The following AGO2 variants were observed in gnomAD, a reference collection of about 807,000 sequenced individuals.
AGO2 encodes the protein protein argonaute-2.
In AGO2, 5 loss-of-function variants were observed where a neutral mutation model predicts 102.3. That is an observed-to-expected ratio of 0.05 (90% confidence interval 0.03 to 0.10). The LOEUF (loss-of-function observed/expected upper bound fraction) is 0.10. Ranked by LOEUF, AGO2 falls within the 10% of genes least tolerant of loss-of-function variation. The probability of loss-of-function intolerance (pLI) is 1.00; values close to 1 mark genes in which losing one functional copy is unlikely to be tolerated. For synonymous variants in AGO2, 449 were observed against 473.1 expected (o/e 0.95, Z 0.66); for missense variants, 541 against 1,183.7 (o/e 0.46, Z 7.97).
intron 14 of AGO2, among the ~76,000 whole-genome samples, chr8:140,542,762 G>A (rs2072823901): frequency 6.6e-6 from 1 of 152,216 alleles, no homozygotes; most frequent in African/African-American, 2.4e-5. Context: ...TCTGTGCCCT[G>A]GCTCCCTCCT....
At chr8:140,552,740 G>GCGCGCGCGCGCACA (rs111262864) in intron 10 of AGO2, among the ~76,000 whole-genome samples, 3 of 130,884 alleles carry the variant, frequency 2.3e-5, no homozygotes, top group African/African-American at 9.1e-5. Flanking sequence ...GCGCGCGCGC[G>GCGCGCGCGCGCACA]CACACACACA....
chr8:140,623,426 C>T (rs1208810086), intron 1 of AGO2, among the ~76,000 whole-genome samples: 4 of 152,114 alleles, frequency 2.6e-5, no homozygotes, highest in South Asian at 2.1e-4. Context: ...ATGGTTCATC[C>T]GATGTCACTG....
At chr8:140,608,435 C>A (rs1448597919) in intron 1 of AGO2, among the ~76,000 whole-genome samples, 2 of 152,226 alleles carry the variant, frequency 1.3e-5, no homozygotes, top group Non-Finnish European at 2.9e-5. Flanking sequence ...CGTGGAGAGC[C>A]CAACAGACAG....
Position 140,549,087 on chromosome 8 carries a change from A to G in AGO2, c.1588+27T>C, listed in dbSNP as rs752865212. ...CCCACGGAGACCACGACGGCTCCCC[A>G]CAGCCAGCGGGAGCGCCCACACCTA... On this transcript the variant is annotated intron_variant, in intron 12 of 18. Coordinates refer to ENST00000220592, the MANE Select transcript of AGO2 (RefSeq NM_012154.5). 6.4e-6 allele frequency: 10 copies of G among 1,571,884 alleles called. No individual in the cohort carries two copies. In the Middle Eastern group the frequency reaches 8.8e-4, roughly 138 times the overall value.
chr8:140,549,098 G>C lies in AGO2; in HGVS notation c.1588+16C>G, dbSNP rs779805432. On this transcript the variant is annotated intron_variant, in intron 12 of 18. Coordinates refer to ENST00000220592, the MANE Select transcript of AGO2 (RefSeq NM_012154.5). ...CACGACGGCTCCCCACAGCCAGCGGGAGCGCCCACACCTACCGTACACGGG... is the reference window on the plus strand; with the variant it reads ...CACGACGGCTCCCCACAGCCAGCGGCAGCGCCCACACCTACCGTACACGGG... The C allele has an allele frequency of 3.2e-6, 5 of 1,581,434 alleles. No homozygotes were observed. In the Admixed American group the frequency reaches 6.9e-5, roughly 22 times the overall value.
chr8:140,582,983 T>C (rs1486842855), intron 2 of AGO2, among the ~76,000 whole-genome samples: 1 of 152,232 alleles, frequency 6.6e-6, no homozygotes, highest in Non-Finnish European at 1.5e-5. Flanking sequence ...GTGTGGCTGC[T>C]TCCAGAGGAG....
At chr8:140,561,953 T>C (rs1382654552) in intron 4 of AGO2, among the ~76,000 whole-genome samples, 2 of 152,202 alleles carry the variant, frequency 1.3e-5, no homozygotes, top group African/African-American at 2.4e-5. Flanking sequence ...ACCGGGCAGC[T>C]TGTGAGTCCT....
intron 1 of AGO2, among the ~76,000 whole-genome samples, chr8:140,595,815 AT>A (rs1564106790): frequency 1.2e-5 from 1 of 83,308 alleles, no homozygotes; most frequent in African/African-American, 6.4e-5. Context: ...AATTGTATAT[AT>A]TATATTTATA....
At chr8:140,578,552 C>T (rs2073502311) in intron 2 of AGO2, among the ~76,000 whole-genome samples, 1 of 152,242 alleles carries the variant, frequency 6.6e-6, no homozygotes, top group South Asian at 2.1e-4. Flanking sequence ...GCAAGCGTCC[C>T]TGCTTCTGCA....
At chr8:140,552,927 T>C (rs2073027331) in intron 10 of AGO2, among the ~76,000 whole-genome samples, 1 of 152,126 alleles carries the variant, frequency 6.6e-6, no homozygotes, top group Admixed American at 6.5e-5. Flanking sequence ...AGATGTCCCC[T>C]GGGGGGCAAA....
chr8:140,606,766 G>A lies in AGO2; in HGVS notation c.23-21455C>T, dbSNP rs1438050744. Among the ~76,000 whole-genome samples the A allele has an allele frequency of 3.3e-5, 5 of 151,438 alleles. No homozygotes were observed. The East Asian group carries it at 5.8e-4, about 18-fold the overall frequency. ...AGCCTGACCAACATGGCAAAACCCCGTCTCTACTAAAAATACAAAAATTAG... is the reference window on the plus strand; with the variant it reads ...AGCCTGACCAACATGGCAAAACCCCATCTCTACTAAAAATACAAAAATTAG... On this transcript the variant is annotated intron_variant, in intron 1 of 18. Coordinates refer to ENST00000220592, the MANE Select transcript of AGO2 (RefSeq NM_012154.5).
chr8:140,551,209 C>T, intron 11 of AGO2, 94 bp downstream of exon 11: 2 of 1,371,268 alleles, frequency 1.5e-6, no homozygotes, highest in Non-Finnish European at 9.6e-7. Context: ...CACCCTCACC[C>T]CCACCCCAAC....
chr8:140,615,507 G>A (rs578254738), intron 1 of AGO2, among the ~76,000 whole-genome samples: 1 of 152,246 alleles, frequency 6.6e-6, no homozygotes, highest in Non-Finnish European at 1.5e-5. Context: ...AGGGTGGCAG[G>A]CTCGTGAGTT....
chr8:140,628,572 A>G (rs1461834371), intron 1 of AGO2, among the ~76,000 whole-genome samples: 1 of 152,044 alleles, frequency 6.6e-6, no homozygotes, highest in Non-Finnish European at 1.5e-5. Context: ...TGGGAGGCCA[A>G]GGCAGGAGGA....
intron 1 of AGO2, among the ~76,000 whole-genome samples, chr8:140,630,929 C>T (rs1012028896): frequency 1.3e-5 from 2 of 152,188 alleles, no homozygotes; most frequent in African/African-American, 2.4e-5. Flanking sequence ...TGGCACATGT[C>T]TGCAGTCTCA....
At chr8:140,590,489 G>A (rs1419060396) in intron 1 of AGO2, among the ~76,000 whole-genome samples, 1 of 152,060 alleles carries the variant, frequency 6.6e-6, no homozygotes, top group Non-Finnish European at 1.5e-5. Context: ...CAGAGGCACA[G>A]ATGGGGGTCC....
intron 1 of AGO2, among the ~76,000 whole-genome samples, chr8:140,624,064 G>A (rs760242281): frequency 1.1e-4 from 16 of 152,120 alleles, no homozygotes; most frequent in South Asian, 2.1e-4. Context: ...GGTGCAGGGC[G>A]AGCGCGATGG....
chr8:140,541,390 G>T lies in AGO2; in HGVS notation c.1840-32C>A, dbSNP rs747425764. The T allele has an allele frequency of 5.8e-6, 9 of 1,546,632 alleles. No homozygotes were observed. In the South Asian group the frequency reaches 9.6e-5, roughly 16 times the overall value. On this transcript the variant is annotated intron_variant, in intron 14 of 18. Coordinates refer to ENST00000220592, the MANE Select transcript of AGO2 (RefSeq NM_012154.5). ...GAACAGGCAGTGAGTGTGGTCAGGG[G>T]TTCCCAAAACTTTCCTTTCCTGGGC...
At chr8:140,563,017 A>G (rs1017790968) in intron 3 of AGO2, among the ~76,000 whole-genome samples, 6 of 152,102 alleles carry the variant, frequency 3.9e-5, no homozygotes, top group Non-Finnish European at 8.8e-5. Flanking sequence ...CGTCACCTGC[A>G]AGCCCCACTC....
Sources: gnomAD v4.1 joint callset for allele counts (sites outside exome capture counted in the v4.1 genomes callset) on GRCh38, gnomAD v4.1.1 for gene constraint, MANE v1.5 for transcripts, NCBI Gene and HGNC (gene_info 2026-07-23, HGNC 2026-07-21) for gene names.